The following ST6GAL2 variants were observed in gnomAD, a reference collection of about 807,000 sequenced individuals.
The protein encoded by ST6GAL2 is ST6 beta-galactoside alpha-2,6-sialyltransferase 2, also known as beta-galactoside alpha-2,6-sialyltransferase 2.
In ST6GAL2, 24 loss-of-function variants were observed where a neutral mutation model predicts 37.5. The ratio of observed to expected loss-of-function variants is 0.64; its 90% CI spans 0.46 to 0.90. ST6GAL2 has a LOEUF of 0.90. Ranked by LOEUF, ST6GAL2 falls within the 40% of genes least tolerant of loss-of-function variation. ST6GAL2 has a pLI of 0.00. For synonymous variants in ST6GAL2, 306 were observed against 295.1 expected (o/e 1.04, Z -0.38); for missense variants, 715 against 712.7 (o/e 1.00, Z -0.04).
At chr2:106,872,894 T>A (rs995878992) in intron 1 of ST6GAL2, among the ~76,000 whole-genome samples, 1 of 151,834 alleles carries the variant, frequency 6.6e-6, no homozygotes, top group Non-Finnish European at 1.5e-5. Context: ...TCGCTGGTAA[T>A]TTTTTTTTAT....
chr2:106,832,347 C>G (rs920402362), intron 4 of ST6GAL2, among the ~76,000 whole-genome samples: 2 of 152,206 alleles, frequency 1.3e-5, no homozygotes, highest in Non-Finnish European at 2.9e-5. Flanking sequence ...GCCCTGCCCA[C>G]CGATTCTGCA....
intron 1 of ST6GAL2, among the ~76,000 whole-genome samples, chr2:106,869,688 C>G (rs1678181317): frequency 6.6e-6 from 1 of 152,186 alleles, no homozygotes; most frequent in Non-Finnish European, 1.5e-5. Context: ...TGTTTTTAAG[C>G]TCTTCTCATT....
At chr2:106,824,202 T>G (rs1171664210) in intron 5 of ST6GAL2, among the ~76,000 whole-genome samples, 1 of 152,238 alleles carries the variant, frequency 6.6e-6, no homozygotes, top group East Asian at 1.9e-4. Flanking sequence ...GATTTACAGT[T>G]CACATTGTAA....
Position 106,806,846 on chromosome 2 carries a change from G to A in ST6GAL2, c.1422C>T (p.Asp474=), listed in dbSNP as rs145567871. The A allele has an allele frequency of 1.5e-4, 244 of 1,614,182 alleles. 1 individual carries two copies. Among genetic ancestry groups the A allele is most frequent in the Middle Eastern group, 3.3e-4 (2 of 6,060 alleles). The change falls in exon 6 of 6, where the codon GAC becomes GAT. Residue 474 remains aspartate (D), a synonymous_variant. Transcript: ENST00000409382. ...ELCHYHELYY[D]AACTLGAYHP... ...GGTACGCCCCGAGGGTGCAGGCTGC[G>A]TCGTAGTACAGCTCGTGGTAGTGGC...
In ST6GAL2 at chr2:106,804,975, A is replaced by T. The variant is rs1675372522; in HGVS notation, c.*1703T>A. 6.6e-6 allele frequency: 1 copy of T among 152,160 alleles called. No homozygotes were observed. The highest frequency in any genetic ancestry group is 2.1e-4 in the South Asian group (1 of 4,828). 9.4% of individuals were successfully genotyped at this position (152,160 alleles called of 1,614,324 possible). A position where few individuals can be genotyped will look rare whatever the true frequency, so the allele number is the denominator to read the frequency against. On this transcript the variant is annotated 3_prime_UTR_variant, in exon 6 of 6. Transcript: ENST00000409382. ...ATTGACTTAATAACAAAACTCTCAA[A>T]ATGGGCTTTTATTGGATATTATTGT...
intron 1 of ST6GAL2, among the ~76,000 whole-genome samples, chr2:106,881,123 C>G (rs896557332): frequency 6.6e-6 from 1 of 152,110 alleles, no homozygotes; most frequent in African/African-American, 2.4e-5. Flanking sequence ...GTAGCTGGGA[C>G]TACAGGTGCA....
At chr2:106,829,948 G>A (rs1676350319) in intron 5 of ST6GAL2, 118 bp downstream of exon 5, 2 of 962,932 alleles carry the variant, frequency 2.1e-6, no homozygotes, top group Admixed American at 2.5e-5. Context: ...AATACTTCTG[G>A]TTCCAGGCAT....
At chr2:106,879,206 G>A (rs770976907) in intron 1 of ST6GAL2, among the ~76,000 whole-genome samples, 7 of 152,146 alleles carry the variant, frequency 4.6e-5, no homozygotes, top group Non-Finnish European at 8.8e-5. Flanking sequence ...TGCCTCTTCT[G>A]TGTATGTATC....
intron 1 of ST6GAL2, among the ~76,000 whole-genome samples, chr2:106,845,547 A>G (rs1397483879): frequency 6.6e-6 from 1 of 152,216 alleles, no homozygotes; most frequent in African/African-American, 2.4e-5. Flanking sequence ...ATGCCAAAAC[A>G]CAAAGGCATG....
intron 1 of ST6GAL2, among the ~76,000 whole-genome samples, chr2:106,872,162 T>C (rs773688478): frequency 3.3e-5 from 5 of 152,246 alleles, no homozygotes; most frequent in Admixed American, 6.5e-5. Context: ...CCCTGTGTTA[T>C]ATGTCGTCTG....
chr2:106,870,364 C>A (rs367813537), intron 1 of ST6GAL2, among the ~76,000 whole-genome samples: 1 of 152,068 alleles, frequency 6.6e-6, no homozygotes, highest in African/African-American at 2.4e-5. Flanking sequence ...CCAGTTAGCT[C>A]GGATAGTCAT....
chr2:106,853,310 T>C (rs1034688838), intron 1 of ST6GAL2, among the ~76,000 whole-genome samples: 1 of 152,218 alleles, frequency 6.6e-6, no homozygotes, highest in African/African-American at 2.4e-5. Flanking sequence ...AGGCGGATTT[T>C]GCCTAGGCAG....
chr2:106,855,932 G>C (rs1230443941), intron 1 of ST6GAL2, among the ~76,000 whole-genome samples: 1 of 152,152 alleles, frequency 6.6e-6, no homozygotes, highest in Non-Finnish European at 1.5e-5. Flanking sequence ...GTCAAGACAA[G>C]AATTACTGAA....
intron 2 of ST6GAL2, among the ~76,000 whole-genome samples, chr2:106,836,944 CAAAAAAAAAA>C (rs10700905): frequency 1.2e-5 from 1 of 85,726 alleles, no homozygotes; most frequent in South Asian, 5.2e-4. Context: ...AATTCCATCT[CAAAAAAAAAA>C]AAAAAAAAGA....
At chr2:106,878,508 T>C (rs979516906) in intron 1 of ST6GAL2, among the ~76,000 whole-genome samples, 3 of 151,548 alleles carry the variant, frequency 2.0e-5, no homozygotes, top group African/African-American at 7.3e-5. Flanking sequence ...GTGCCTGTAA[T>C]CCCAACATTT....
chr2:106,865,568 C>G (rs573166553), intron 1 of ST6GAL2, among the ~76,000 whole-genome samples: 2 of 152,162 alleles, frequency 1.3e-5, no homozygotes, highest in Non-Finnish European at 2.9e-5. Flanking sequence ...TAGCAAAATT[C>G]GTTACACCTC....
intron 1 of ST6GAL2, among the ~76,000 whole-genome samples, chr2:106,856,560 C>T (rs1483692948): frequency 2.0e-5 from 3 of 152,210 alleles, no homozygotes; most frequent in African/African-American, 7.2e-5. Context: ...GTTTGACATT[C>T]GTGGCACCAA....
At chr2:106,813,341 T>G (rs1675682722) in intron 5 of ST6GAL2, 1 of 645,250 alleles carries the variant, frequency 1.5e-6, no homozygotes. Flanking sequence ...CGCAAGATAA[T>G]TATCAAACCA....
intron 5 of ST6GAL2, among the ~76,000 whole-genome samples, chr2:106,810,605 G>A (rs189047040): frequency 8.5e-5 from 13 of 152,238 alleles, no homozygotes; most frequent in Non-Finnish European, 8.8e-5. Flanking sequence ...CCACTGATAC[G>A]GAATTGGTAT....
Sources: allele counts gnomAD v4.1 joint callset (sites outside exome capture counted in the v4.1 genomes callset), GRCh38; gene constraint gnomAD v4.1.1; transcripts MANE v1.5; gene names NCBI Gene and HGNC (gene_info 2026-07-23, HGNC 2026-07-21).